Variants in PTPRG observed in about 807,000 individuals in gnomAD.
PTPRG encodes the protein receptor-type tyrosine-protein phosphatase gamma.
In PTPRG, 102 loss-of-function variants were observed where a neutral mutation model predicts 165.3. The ratio of observed to expected loss-of-function variants is 0.62; its 90% CI spans 0.53 to 0.73. PTPRG has a LOEUF of 0.73. PTPRG is among the 30% of genes least tolerant of loss of function. The probability of loss-of-function intolerance (pLI) is 0.00; values close to 1 mark genes in which losing one functional copy is unlikely to be tolerated. For synonymous variants in PTPRG, 675 were observed against 669.5 expected (o/e 1.01, Z -0.13); for missense variants, 1,866 against 1,861.4 (o/e 1.00, Z -0.05).
chr3:61,868,320 C>G (rs1465018723), intron 2 of PTPRG, among the ~76,000 whole-genome samples: 1 of 152,182 alleles, frequency 6.6e-6, no homozygotes, highest in Non-Finnish European at 1.5e-5. Flanking sequence ...CTCACAATTT[C>G]TTGCCTCTCT....
intron 8 of PTPRG, among the ~76,000 whole-genome samples, chr3:62,187,989 A>T (rs1327871362): frequency 6.6e-6 from 1 of 152,178 alleles, no homozygotes; most frequent in African/African-American, 2.4e-5. Context: ...TGAGACAGTG[A>T]GATTCTGTAC....
rs533614042 is a variant in PTPRG at position 62,126,816 on chromosome 3, A to G, written c.616-5786A>G. ...TTTCCTTTGCCATTCATCACTCTCAATTGTGTCTCTGTATTCCTCTCCGAC... is the reference window on the plus strand; with the variant it reads ...TTTCCTTTGCCATTCATCACTCTCAGTTGTGTCTCTGTATTCCTCTCCGAC... On this transcript the variant is annotated intron_variant, in intron 5 of 29. Coordinates refer to ENST00000474889, the MANE Select transcript of PTPRG (RefSeq NM_002841.4). Among the ~76,000 whole-genome samples, 103 of 152,168 alleles carry G rather than the reference A, an allele frequency of 6.8e-4. 2 individuals carry two copies. The South Asian group carries it at 0.012, about 18-fold the overall frequency.
At chr3:61,614,867 C>T (rs1209710562) in intron 1 of PTPRG, among the ~76,000 whole-genome samples, 1 of 152,226 alleles carries the variant, frequency 6.6e-6, no homozygotes, top group African/African-American at 2.4e-5. Context: ...ATTATTATGT[C>T]TGCCCTTTGG....
intron 8 of PTPRG, among the ~76,000 whole-genome samples, chr3:62,185,777 C>G (rs541971937): frequency 2.6e-5 from 4 of 152,288 alleles, no homozygotes; most frequent in African/African-American, 9.6e-5. Context: ...GGGCCTGAGG[C>G]CCACAACTTT....
intron 8 of PTPRG, among the ~76,000 whole-genome samples, chr3:62,177,067 C>T (rs902402243): frequency 1.3e-5 from 2 of 151,938 alleles, no homozygotes; most frequent in Admixed American, 1.3e-4. Context: ...AGTTCCTGAC[C>T]AGCTTGGGCA....
chr3:61,893,388 C>T (rs2107504380), intron 2 of PTPRG, among the ~76,000 whole-genome samples: 1 of 152,216 alleles, frequency 6.6e-6, no homozygotes, highest in South Asian at 2.1e-4. Context: ...TCATAAGAAC[C>T]CCATAAGGTA....
intron 1 of PTPRG, among the ~76,000 whole-genome samples, chr3:61,668,370 G>C (rs1160381334): frequency 6.6e-6 from 1 of 152,126 alleles, no homozygotes; most frequent in Non-Finnish European, 1.5e-5. Flanking sequence ...GGGAGAGTGT[G>C]TGAACTCTCT....
chr3:62,014,667 C>T (rs772014241), intron 4 of PTPRG, among the ~76,000 whole-genome samples: 1 of 152,138 alleles, frequency 6.6e-6, no homozygotes, highest in Non-Finnish European at 1.5e-5. Context: ...CTCACGCACT[C>T]CCCTTGCTAT....
At chr3:61,770,333 T>G (rs2034171175) in intron 2 of PTPRG, 1 of 152,172 alleles carries the variant, frequency 6.6e-6, no homozygotes, top group African/African-American at 2.4e-5. Context: ...AACAGGATGA[T>G]AGTTGACAGA....
intron 5 of PTPRG, among the ~76,000 whole-genome samples, chr3:62,129,562 A>G (rs1234973980): frequency 2.0e-5 from 3 of 152,172 alleles, no homozygotes; most frequent in African/African-American, 7.2e-5. Context: ...GTGAGAGAGC[A>G]AGAGGGGGTT....
chr3:61,916,261 G>T (rs1337701909), intron 2 of PTPRG, among the ~76,000 whole-genome samples: 6 of 152,128 alleles, frequency 3.9e-5, no homozygotes, highest in African/African-American at 1.4e-4. Context: ...ACTTATTTTT[G>T]GGTGTGTGTG....
chr3:62,012,835 T>C (rs2041460236), intron 4 of PTPRG, among the ~76,000 whole-genome samples: 1 of 152,196 alleles, frequency 6.6e-6, no homozygotes, highest in African/African-American at 2.4e-5. Context: ...GCTGAACCTG[T>C]AGTAAAATAT....
intron 1 of PTPRG, among the ~76,000 whole-genome samples, chr3:61,636,645 T>C (rs1406320582): frequency 1.3e-5 from 2 of 152,264 alleles, no homozygotes; most frequent in Non-Finnish European, 2.9e-5. Context: ...ACTTCATTTA[T>C]TTTATGGACA....
intron 15 of PTPRG, among the ~76,000 whole-genome samples, chr3:62,247,262 T>C (rs1370064643): frequency 6.6e-6 from 1 of 152,152 alleles, no homozygotes; most frequent in East Asian, 1.9e-4. Context: ...ACTGGAATTA[T>C]CTCTGTGACT....
chr3:61,688,326 G>A (rs926283103), intron 1 of PTPRG, among the ~76,000 whole-genome samples: 17 of 152,208 alleles, frequency 1.1e-4, no homozygotes, highest in African/African-American at 3.9e-4. Flanking sequence ...GGAGGAAACA[G>A]CTCCCCACGG....
At chr3:62,000,143 A>G (rs912338586) in intron 3 of PTPRG, among the ~76,000 whole-genome samples, 1 of 151,978 alleles carries the variant, frequency 6.6e-6, no homozygotes, top group African/African-American at 2.4e-5. Context: ...TCTCTACTAA[A>G]AATACAAAAA....
intron 2 of PTPRG, among the ~76,000 whole-genome samples, chr3:61,767,240 CAA>C (rs71100976): frequency 1.8e-5 from 2 of 111,526 alleles, no homozygotes; most frequent in Non-Finnish European, 3.4e-5. Flanking sequence ...GATTCCATCT[CAA>C]AAAAAAAAAA....
At chr3:61,719,405 G>A (rs1423139667) in intron 1 of PTPRG, among the ~76,000 whole-genome samples, 1 of 152,148 alleles carries the variant, frequency 6.6e-6, no homozygotes, top group Non-Finnish European at 1.5e-5. Flanking sequence ...TCTTGCTAAA[G>A]TGTGTGGGGA....
chr3:61,837,075 C>G (rs372739055), intron 2 of PTPRG, among the ~76,000 whole-genome samples: 1 of 152,130 alleles, frequency 6.6e-6, no homozygotes, highest in Non-Finnish European at 1.5e-5. Flanking sequence ...TCATCATGCC[C>G]GGCCAATTTT....
Sources: allele counts gnomAD v4.1 joint callset (sites outside exome capture counted in the v4.1 genomes callset), GRCh38; gene constraint gnomAD v4.1.1; transcripts MANE v1.5; gene names NCBI Gene and HGNC (gene_info 2026-07-23, HGNC 2026-07-21).